ABCG2: variants seen among roughly 807,000 people sequenced by gnomAD.
ABCG2 encodes the protein ATP binding cassette subfamily G member 2 (JR blood group), also known as broad substrate specificity ATP-binding cassette transporter ABCG2.
In ABCG2, 80 loss-of-function variants were observed where a neutral mutation model predicts 73.5. That is an observed-to-expected ratio of 1.09 (90% CI 0.91 to 1.31). The LOEUF (loss-of-function observed/expected upper bound fraction) is 1.31. ABCG2 is among the 50% of genes most tolerant of loss of function. The pLI is 0.00. For missense variants in ABCG2, 796 were observed against 786.2 expected, an observed-to-expected ratio of 1.01 and a Z score of -0.15; for synonymous variants, 269 against 282.4, an observed-to-expected ratio of 0.95 and a Z score of 0.48.
chr4:88,095,143 T>C (rs1190991797), intron 14 of ABCG2, among the ~76,000 whole-genome samples: 1 of 152,228 alleles, frequency 6.6e-6, no homozygotes, highest in Non-Finnish European at 1.5e-5. Flanking sequence ...CCAATATGAC[T>C]ATGCTTATTA....
chr4:88,097,326 G>T (rs1337473061), intron 13 of ABCG2, 127 bp downstream of exon 13: 80 of 1,011,308 alleles, frequency 7.9e-5, no homozygotes, highest in Non-Finnish European at 1.1e-4. Flanking sequence ...TCCAGTAGAT[G>T]GCCTTAAGTA....
intron 13 of ABCG2, among the ~76,000 whole-genome samples, chr4:88,096,583 G>T (rs1435813478): frequency 1.3e-5 from 2 of 152,128 alleles, no homozygotes; most frequent in African/African-American, 4.8e-5. Flanking sequence ...GCAAGAGTTT[G>T]TGCTAATTAT....
At chr4:88,186,646 G>A (rs933467544) in intron 1 of ABCG2, among the ~76,000 whole-genome samples, 2 of 151,762 alleles carry the variant, frequency 1.3e-5, no homozygotes, top group Non-Finnish European at 2.9e-5. Context: ...GCGGCCGGGC[G>A]CGGTGGCTCA....
intron 5 of ABCG2, among the ~76,000 whole-genome samples, chr4:88,126,006 G>C (rs1417959563): frequency 1.3e-5 from 2 of 152,064 alleles, no homozygotes; most frequent in African/African-American, 4.8e-5. Flanking sequence ...CTGGTTTTTT[G>C]AAAAGTTTAA....
At chr4:88,113,745 G>T (rs543208116) in intron 8 of ABCG2, among the ~76,000 whole-genome samples, 192 bp from the exon 9 acceptor site, 1 of 151,864 alleles carries the variant, frequency 6.6e-6, no homozygotes, top group South Asian at 2.1e-4. Context: ...GGTGGATTAC[G>T]AGGTCAGGAG....
chr4:88,109,234 A>G (rs981172797), intron 9 of ABCG2, among the ~76,000 whole-genome samples: 2 of 151,990 alleles, frequency 1.3e-5, no homozygotes, highest in African/African-American at 2.4e-5. Context: ...TCCTGACCTC[A>G]TGATCTGCCC....
rs1302930208 is a variant in ABCG2 at position 88,189,556 on chromosome 4, A to AATAG, written c.-20+41437_-20+41438insCTAT. On this transcript the variant is annotated intron_variant, in intron 1 of 15. Coordinates refer to the ABCG2 transcript ENST00000515655. ...AAATAAATAAATAAATAAATAAATA[A>AATAG]GAAATAAAATGCAACTGATTTTTCT... Among the ~76,000 whole-genome samples the AATAG allele has an allele frequency of 6.1e-4, 93 of 151,898 alleles. 1 individual carries two copies. Among genetic ancestry groups the AATAG allele is most frequent in the South Asian group, 3.1e-3 (15 of 4,818 alleles).
intron 1 of ABCG2, among the ~76,000 whole-genome samples, chr4:88,167,177 C>G (rs59409230): frequency 1.3e-5 from 2 of 151,246 alleles, no homozygotes; most frequent in Non-Finnish European, 2.9e-5. Flanking sequence ...CTCTAAAGAA[C>G]CAAGCAGAGT....
intron 1 of ABCG2, among the ~76,000 whole-genome samples, chr4:88,148,311 G>A (rs1180922965): frequency 1.3e-5 from 2 of 152,144 alleles, no homozygotes; most frequent in Non-Finnish European, 2.9e-5. Context: ...AAGAAGAAAG[G>A]AGAAGAGAAA....
chr4:88,148,848 C>T (rs1338337949), intron 1 of ABCG2, among the ~76,000 whole-genome samples: 3 of 152,150 alleles, frequency 2.0e-5, no homozygotes, highest in African/African-American at 7.2e-5. Context: ...CAAGACAGAT[C>T]ATTCATGTTA....
At chr4:88,198,483 A>G (rs1229139652) in intron 1 of ABCG2, among the ~76,000 whole-genome samples, 1 of 152,062 alleles carries the variant, frequency 6.6e-6, no homozygotes, top group African/African-American at 2.4e-5. Context: ...AACTACAAAA[A>G]ATACCCAGAC....
At chr4:88,219,029 T>C (rs1329504625) in intron 1 of ABCG2, among the ~76,000 whole-genome samples, 2 of 152,232 alleles carry the variant, frequency 1.3e-5, no homozygotes, top group Non-Finnish European at 2.9e-5. Context: ...ATTGGGAACC[T>C]AAGCAGGGAG....
At chr4:88,173,287 G>T (rs1727831598) in intron 1 of ABCG2, among the ~76,000 whole-genome samples, 1 of 152,020 alleles carries the variant, frequency 6.6e-6, no homozygotes, top group South Asian at 2.1e-4. Context: ...CTTTCCCACA[G>T]ATTATTTTGA....
chr4:88,176,005 T>A (rs1471027118), intron 1 of ABCG2, among the ~76,000 whole-genome samples: 1 of 152,226 alleles, frequency 6.6e-6, no homozygotes, highest in Non-Finnish European at 1.5e-5. Flanking sequence ...CAATCCTCCA[T>A]ATATAACAAC....
intron 1 of ABCG2, among the ~76,000 whole-genome samples, chr4:88,188,304 T>A (rs1262507937): frequency 2.0e-5 from 3 of 152,192 alleles, no homozygotes; most frequent in Non-Finnish European, 4.4e-5. Flanking sequence ...AAAGGTTTAT[T>A]TCTGGTCTCT....
At position 88,090,318 on chromosome 4, in the gene ABCG2, G is replaced by A. The variant is rs1721570169; in HGVS notation, c.*1916C>T. 1.3e-5 allele frequency: 2 copies of A among 151,828 alleles called. No individual in the cohort carries two copies. Among genetic ancestry groups the A allele is most frequent in the African/African-American group, 4.8e-5 (2 of 41,312 alleles). 9.4% of individuals were successfully genotyped at this position (151,828 alleles called of 1,614,324 possible). On this transcript the variant is annotated 3_prime_UTR_variant, in exon 16 of 16. Transcript: ENST00000237612. ...AAAAGTTAATAATTGTGGCTGTTTTGTTTCTTTTGAAGTATATTTTGTGTA... is the reference window on the plus strand; with the variant it reads ...AAAAGTTAATAATTGTGGCTGTTTTATTTCTTTTGAAGTATATTTTGTGTA...
intron 1 of ABCG2, among the ~76,000 whole-genome samples, chr4:88,147,001 G>A (rs1424253843): frequency 5.5e-5 from 4 of 72,554 alleles, no homozygotes; most frequent in East Asian, 2.8e-4. Flanking sequence ...AAAGAAAGAA[G>A]AAAGAGAAAG....
intron 10 of ABCG2, among the ~76,000 whole-genome samples, chr4:88,103,726 CCA>C (rs1288802620): frequency 6.6e-6 from 1 of 152,194 alleles, no homozygotes; most frequent in South Asian, 2.1e-4. Context: ...TCTCCATTCC[CCA>C]CACACCTCTA....
intron 9 of ABCG2, 98 bp from the exon 10 acceptor site, chr4:88,107,364 C>G: frequency 1.3e-6 from 1 of 794,702 alleles, no homozygotes; most frequent in South Asian, 2.0e-5. Context: ...GTTACATAAT[C>G]AGATCTCTCC....
Sources: allele counts gnomAD v4.1 joint callset (sites outside exome capture counted in the v4.1 genomes callset), GRCh38; gene constraint gnomAD v4.1.1; transcripts MANE v1.5; gene names NCBI Gene and HGNC (gene_info 2026-07-23, HGNC 2026-07-21).